The following RBFOX1 variants were observed in gnomAD, a reference collection of about 807,000 sequenced individuals.
RBFOX1 encodes RNA binding protein fox-1 homolog 1.
In RBFOX1, 8 loss-of-function variants were observed where a neutral mutation model predicts 57.7. The observed-to-expected ratio is 0.14, with a 90% CI of 0.08 to 0.25. The LOEUF (loss-of-function observed/expected upper bound fraction) is 0.25. RBFOX1 is among the 10% of genes least tolerant of loss of function. The pLI, the probability that RBFOX1 is intolerant of heterozygous loss-of-function variation, is 1.00. For missense variants in RBFOX1, 611 were observed against 548.5 expected, an observed-to-expected ratio of 1.11 and a Z score of -1.14; for synonymous variants, 326 against 222.4, an observed-to-expected ratio of 1.47 and a Z score of -4.15.
intron 4 of RBFOX1, among the ~76,000 whole-genome samples, chr16:5,965,871 T>A (rs1467675146): frequency 6.6e-6 from 1 of 151,886 alleles, no homozygotes; most frequent in African/African-American, 2.4e-5. Flanking sequence ...AATCCTCCTT[T>A]CCTCCTCCAG....
At chr16:7,579,650 G>C in intron 5 of RBFOX1, 127 bp from the exon 6 acceptor site, 1 of 1,177,832 alleles carries the variant, frequency 8.5e-7, no homozygotes. Context: ...GCATGCGTCA[G>C]CATTTTCTTC....
chr16:5,306,544 G>A (rs1014793676), intron 1 of RBFOX1, among the ~76,000 whole-genome samples: 7 of 152,092 alleles, frequency 4.6e-5, no homozygotes, highest in Non-Finnish European at 1.0e-4. Context: ...ATGACCTCAA[G>A]TGACCCACCT....
chr16:5,408,669 C>T (rs1265230237), intron 1 of RBFOX1, among the ~76,000 whole-genome samples: 2 of 152,222 alleles, frequency 1.3e-5, no homozygotes, highest in Non-Finnish European at 2.9e-5. Flanking sequence ...TTCATTGGCT[C>T]ATGGTTCTGC....
At chr16:6,781,447 A>G (rs1375097664) in intron 3 of RBFOX1, among the ~76,000 whole-genome samples, 3 of 152,090 alleles carry the variant, frequency 2.0e-5, no homozygotes, top group Non-Finnish European at 4.4e-5. Flanking sequence ...CTGTAGAATG[A>G]GTTTGGAAGT....
intron 2 of RBFOX1, among the ~76,000 whole-genome samples, chr16:5,563,898 A>G (rs947791143): frequency 5.9e-5 from 9 of 151,942 alleles, no homozygotes; most frequent in African/African-American, 1.9e-4. Flanking sequence ...ACCATCATTT[A>G]TTTTCTTAAG....
At chr16:6,188,614 C>T (rs1482309130) in intron 1 of RBFOX1, among the ~76,000 whole-genome samples, 2 of 152,042 alleles carry the variant, frequency 1.3e-5, no homozygotes, top group Non-Finnish European at 2.9e-5. Flanking sequence ...CTCCTTGTTT[C>T]CCAGCTACCA....
chr16:7,597,072 G>A (rs990328121), intron 8 of RBFOX1: 7 of 224,858 alleles, frequency 3.1e-5, no homozygotes, highest in Non-Finnish European at 6.0e-5. Flanking sequence ...GTACACGCAT[G>A]CTTTTAAATC....
chr16:5,666,318 CTCGTGAAGCA>C (rs1424797203), intron 3 of RBFOX1, among the ~76,000 whole-genome samples: 7 of 152,190 alleles, frequency 4.6e-5, no homozygotes, highest in Non-Finnish European at 7.3e-5. Context: ...AACATTGGTA[CTCGTGAAGCA>C]ATGTGAAGGT....
chr16:5,659,966 C>T (rs1426606042), intron 3 of RBFOX1, among the ~76,000 whole-genome samples: 1 of 152,198 alleles, frequency 6.6e-6, no homozygotes, highest in African/African-American at 2.4e-5. Context: ...ATTGATAAAT[C>T]ACAGGTTGCA....
At chr16:6,221,521 A>G (rs780488783) in intron 1 of RBFOX1, among the ~76,000 whole-genome samples, 19 of 152,334 alleles carry the variant, frequency 1.2e-4, no homozygotes, top group Non-Finnish European at 2.4e-4. Flanking sequence ...ATGAGTCAGT[A>G]TTCCAATGTG....
At chr16:5,962,196 C>T (rs1239282237) in intron 4 of RBFOX1, among the ~76,000 whole-genome samples, 1 of 152,190 alleles carries the variant, frequency 6.6e-6, no homozygotes, top group Non-Finnish European at 1.5e-5. Flanking sequence ...TTGGTCAAAA[C>T]ATAGTCACAT....
rs539318482 is a variant in RBFOX1, at chr16:5,887,742, C to T, written c.351+20407C>T. Among the ~76,000 whole-genome samples, 11 of 152,052 alleles carry T rather than the reference C, an allele frequency of 7.2e-5. 1 individual carries two copies. The highest frequency in any genetic ancestry group is 1.5e-4 in the Non-Finnish European group (10 of 67,990). The stretch of plus-strand genomic sequence containing the variant: ...TTTTTACAGAAGTGAAAATGTAGGG[C>T]CAGAGACAGGGATTGGTTCACCCGA... On this transcript the variant is annotated intron_variant, in intron 4 of 19. Transcript: ENST00000641259.
At chr16:7,628,077 A>C (rs1269969677) in intron 10 of RBFOX1, among the ~76,000 whole-genome samples, 1 of 152,158 alleles carries the variant, frequency 6.6e-6, no homozygotes, top group African/African-American at 2.4e-5. Flanking sequence ...GAATTCTATA[A>C]ATTGCATCGA....
intron 4 of RBFOX1, among the ~76,000 whole-genome samples, chr16:7,480,374 AAG>A (rs1224342444): frequency 6.6e-6 from 1 of 152,224 alleles, no homozygotes; most frequent in Non-Finnish European, 1.5e-5. Context: ...TTAGAGGGTT[AAG>A]AGAGATAACA....
chr16:6,882,194 T>G (rs1226607246), intron 3 of RBFOX1, among the ~76,000 whole-genome samples: 1 of 152,112 alleles, frequency 6.6e-6, no homozygotes, highest in Non-Finnish European at 1.5e-5. Flanking sequence ...CTGGCCCCTT[T>G]GGTCCAGCAA....
intron 14 of RBFOX1, among the ~76,000 whole-genome samples, chr16:7,693,090 C>T (rs559067853): frequency 1.3e-5 from 2 of 152,200 alleles, no homozygotes; most frequent in South Asian, 4.1e-4. Context: ...TTTGGTGCAA[C>T]AGCTTGTACA....
intron 5 of RBFOX1, among the ~76,000 whole-genome samples, chr16:7,532,162 C>T (rs1449187408): frequency 4.3e-5 from 6 of 140,564 alleles, no homozygotes; most frequent in Non-Finnish European, 6.0e-5. Flanking sequence ...AGAAAAGCAA[C>T]GGTAGGTGTA....
At chr16:7,706,445 T>C (rs1423327347) in intron 14 of RBFOX1, among the ~76,000 whole-genome samples, 6 of 152,204 alleles carry the variant, frequency 3.9e-5, no homozygotes, top group Admixed American at 1.3e-4. Flanking sequence ...TGCCCAGCGT[T>C]ATAGAATTTA....
chr16:5,901,591 C>G (rs1161571871), intron 4 of RBFOX1, among the ~76,000 whole-genome samples: 1 of 152,166 alleles, frequency 6.6e-6, no homozygotes, highest in Non-Finnish European at 1.5e-5. Flanking sequence ...TCAGCCATAA[C>G]AGCCCCATTT....
Sources: gnomAD v4.1 joint callset for allele counts (sites outside exome capture counted in the v4.1 genomes callset) on GRCh38, gnomAD v4.1.1 for gene constraint, MANE v1.5 for transcripts, NCBI Gene and HGNC (gene_info 2026-07-23, HGNC 2026-07-21) for gene names.